HSD17B12: variants seen among roughly 807,000 people sequenced by gnomAD.
HSD17B12 encodes the protein hydroxysteroid 17-beta dehydrogenase 12, also known as very-long-chain 3-oxoacyl-CoA reductase.
HSD17B12 carries 32 observed loss-of-function variants against 39.3 expected under a neutral mutation model. The ratio of observed to expected loss-of-function variants is 0.81; its 90% confidence interval spans 0.61 to 1.09. The LOEUF (loss-of-function observed/expected upper bound fraction) is 1.09. HSD17B12 is among the 50% of genes least tolerant of loss of function. HSD17B12 has a pLI of 0.00. For synonymous variants in HSD17B12, 150 were observed against 146.7 expected (o/e 1.02, Z -0.16); for missense variants, 342 against 382.9 (o/e 0.89, Z 0.89).
chr11:43,816,228 C>G (rs964295694), intron 5 of HSD17B12, 119 bp from the exon 6 acceptor site: 2 of 830,580 alleles, frequency 2.4e-6, no homozygotes, highest in Non-Finnish European at 3.4e-6. Context: ...TGTCATTTTT[C>G]CAAAATCTCT....
chr11:43,560,022 G>C, the HSD17B12 span, among the ~76,000 whole-genome samples: 2 of 152,088 alleles, frequency 1.3e-5, no homozygotes, highest in African/African-American at 2.4e-5. Flanking sequence ...AATCGTCATG[G>C]TGGTTTTTTA....
intron 1 of HSD17B12, among the ~76,000 whole-genome samples, chr11:43,720,316 T>C (rs1220777859): frequency 6.6e-6 from 1 of 152,256 alleles, no homozygotes; most frequent in Non-Finnish European, 1.5e-5. Context: ...CTTTCAGTGT[T>C]CTACCTGGAA....
intron 1 of HSD17B12, among the ~76,000 whole-genome samples, chr11:43,698,486 G>C (rs1279514152): frequency 6.6e-6 from 1 of 152,192 alleles, no homozygotes; most frequent in Non-Finnish European, 1.5e-5. Flanking sequence ...GTAGCACATT[G>C]TGCTATAGTT....
chr11:43,825,454 T>C (rs909435526), intron 6 of HSD17B12, among the ~76,000 whole-genome samples: 1 of 152,108 alleles, frequency 6.6e-6, no homozygotes, highest in Admixed American at 6.5e-5. Flanking sequence ...AATTTGAAAA[T>C]CCATGAGAAC....
At chr11:43,695,573 C>T (rs372426095) in intron 1 of HSD17B12, among the ~76,000 whole-genome samples, 4 of 151,804 alleles carry the variant, frequency 2.6e-5, no homozygotes, top group South Asian at 2.1e-4. Flanking sequence ...AGCAAAACTT[C>T]GTCTCAAAAA....
At chr11:43,846,448 G>T (rs977158299) in intron 9 of HSD17B12, among the ~76,000 whole-genome samples, 1 of 152,206 alleles carries the variant, frequency 6.6e-6, no homozygotes, top group African/African-American at 2.4e-5. Flanking sequence ...CAGATCACTT[G>T]AGGTCAGGAG....
the HSD17B12 span, among the ~76,000 whole-genome samples, chr11:43,611,784 C>T: frequency 3.9e-5 from 6 of 152,112 alleles, no homozygotes; most frequent in African/African-American, 1.4e-4. Flanking sequence ...TACCAACTAC[C>T]CATCATACAT....
chr11:43,557,705 A>G, the HSD17B12 span, among the ~76,000 whole-genome samples: 1 of 152,132 alleles, frequency 6.6e-6, no homozygotes, highest in Non-Finnish European at 1.5e-5. Flanking sequence ...GCTCCTGACA[A>G]AGTTTGCAGC....
chr11:43,703,356 G>A (rs904248094), intron 1 of HSD17B12, among the ~76,000 whole-genome samples: 10 of 151,960 alleles, frequency 6.6e-5, no homozygotes, highest in South Asian at 2.1e-4. Flanking sequence ...CACTACGCCC[G>A]GCTAATTTTT....
chr11:43,809,345 T>C (rs368352605), intron 4 of HSD17B12, among the ~76,000 whole-genome samples: 21 of 152,306 alleles, frequency 1.4e-4, no homozygotes, highest in African/African-American at 4.1e-4. Context: ...TAGGAGCTGG[T>C]AGTAGTGGAG....
chr11:43,735,746 C>T (rs1205793609), intron 1 of HSD17B12, among the ~76,000 whole-genome samples: 4 of 152,286 alleles, frequency 2.6e-5, no homozygotes, highest in Middle Eastern at 3.4e-3. Context: ...ACCTGAGACT[C>T]TGTCATTTAT....
At chr11:43,839,957 T>C (rs1590342527) in intron 8 of HSD17B12, 42 bp from the exon 9 acceptor site, 2 of 1,431,818 alleles carry the variant, frequency 1.4e-6, no homozygotes, top group Non-Finnish European at 9.8e-7. Flanking sequence ...GGCAGATTGA[T>C]GTAATGTGTG....
chr11:43,683,104 GTTT>G (rs145842097), intron 1 of HSD17B12, among the ~76,000 whole-genome samples: 10 of 140,640 alleles, frequency 7.1e-5, no homozygotes, highest in South Asian at 2.3e-4. Context: ...GTTTTTTTTT[GTTT>G]TTTTTTTTTT....
chr11:43,766,016 G>A (rs1375461895), intron 3 of HSD17B12, among the ~76,000 whole-genome samples: 3 of 152,042 alleles, frequency 2.0e-5, no homozygotes, highest in East Asian at 1.9e-4. Flanking sequence ...TAGTAGAGAC[G>A]GGGTTTCACC....
the HSD17B12 span, among the ~76,000 whole-genome samples, chr11:43,574,468 T>C: frequency 6.6e-6 from 1 of 152,240 alleles, no homozygotes; most frequent in African/African-American, 2.4e-5. Context: ...CTAGGATATG[T>C]GTGCATTTAA....
the HSD17B12 span, among the ~76,000 whole-genome samples, chr11:43,575,476 C>T: frequency 6.6e-6 from 1 of 152,218 alleles, no homozygotes; most frequent in Non-Finnish European, 1.5e-5. This position sits in a 1 kb window ranked among gnomAD's most constrained non-coding sequence, Gnocchi z 4.1. Flanking sequence ...TGTGCACGGC[C>T]GAGTTTGCAT....
chr11:43,854,586 C>T, intron 9 of HSD17B12, 129 bp from the exon 10 acceptor site: 2 of 1,040,392 alleles, frequency 1.9e-6, no homozygotes, highest in Non-Finnish European at 2.8e-6. Context: ...AGCCACTTCT[C>T]TTTTCTTCTC....
the HSD17B12 span, among the ~76,000 whole-genome samples, chr11:43,609,601 C>T: frequency 6.6e-6 from 1 of 152,054 alleles, no homozygotes; most frequent in African/African-American, 2.4e-5. Flanking sequence ...AACTCCTGAG[C>T]TCAAGTGATC....
the HSD17B12 span, among the ~76,000 whole-genome samples, chr11:43,558,082 C>T: frequency 5.9e-5 from 9 of 152,196 alleles, no homozygotes; most frequent in Non-Finnish European, 2.9e-5. Context: ...ACAAGTGTTT[C>T]TCCTGAGAAG....
Sources: allele counts gnomAD v4.1 joint callset (sites outside exome capture counted in the v4.1 genomes callset), GRCh38; gene constraint gnomAD v4.1.1; non-coding constraint Gnocchi (gnomAD v3.1); transcripts MANE v1.5; gene names NCBI Gene and HGNC (gene_info 2026-07-23, HGNC 2026-07-21).